AFG2B: variants seen among roughly 807,000 people sequenced by gnomAD.
AFG2B encodes the protein ATPase family gene 2 protein homolog B.
the AFG2B span, chr15:45,403,527 G>A: frequency 2.5e-6 from 4 of 1,600,040 alleles, no homozygotes; most frequent in Non-Finnish European, 3.4e-6. Context: ...AGGTGAATGG[G>A]CTTGGCGGGT....
the AFG2B span, chr15:45,407,181 A>G: frequency 7.9e-7 from 1 of 1,267,504 alleles, no homozygotes; most frequent in Admixed American, 2.5e-5. Flanking sequence ...GGGAAGTGGA[A>G]GGAAGAAAGG....
At chr15:45,404,990 A>T in the AFG2B span, among the ~76,000 whole-genome samples, 3 of 152,124 alleles carry the variant, frequency 2.0e-5, no homozygotes, top group Non-Finnish European at 4.4e-5. Context: ...CAGGGTGCTT[A>T]GGATATCCAT....
chr15:45,405,198 C>G, the AFG2B span: 1 of 950,256 alleles, frequency 1.1e-6, no homozygotes, highest in Admixed American at 2.8e-5. Flanking sequence ...CACCCCCAAC[C>G]CTTCCCAGTG....
the AFG2B span, chr15:45,407,054 T>C: frequency 1.6e-6 from 2 of 1,289,218 alleles, no homozygotes; most frequent in South Asian, 2.5e-5. Flanking sequence ...TAAGCACCTC[T>C]CACTTAGGTG....
chr15:45,403,108 A>C, the AFG2B span: 47 of 1,517,740 alleles, frequency 3.1e-5, no homozygotes, highest in South Asian at 5.4e-4. Context: ...GCGCGCCCTG[A>C]CCGCGCTGGG....
chr15:45,405,570 TA>T, the AFG2B span: 203 of 1,512,436 alleles, frequency 1.3e-4, no homozygotes, highest in African/African-American at 2.8e-4. Flanking sequence ...ATTTGGGGGT[TA>T]AAAAAAAGCG....
chr15:45,421,402 C>G, the AFG2B span: 1 of 366,916 alleles, frequency 2.7e-6, no homozygotes, highest in South Asian at 6.3e-5. Flanking sequence ...AAATAAAATA[C>G]TGTAATTTAG....
At chr15:45,417,236 T>C in the AFG2B span, 1 of 1,598,288 alleles carries the variant, frequency 6.3e-7, no homozygotes, top group Non-Finnish European at 8.5e-7. Flanking sequence ...AACAACTGAT[T>C]GACATTACTT....
At chr15:45,407,643 T>C in the AFG2B span, among the ~76,000 whole-genome samples, 1 of 152,196 alleles carries the variant, frequency 6.6e-6, no homozygotes, top group Non-Finnish European at 1.5e-5. Context: ...GAGATGACAA[T>C]TGTTAACACT....
chr15:45,414,958 C>G, the AFG2B span, among the ~76,000 whole-genome samples: 2 of 152,000 alleles, frequency 1.3e-5, no homozygotes, highest in African/African-American at 4.8e-5. Flanking sequence ...ATCCTCCTAC[C>G]TACTGTTAAC....
the AFG2B span, chr15:45,414,497 G>C: frequency 7.2e-7 from 1 of 1,398,568 alleles, no homozygotes; most frequent in Non-Finnish European, 9.9e-7. Flanking sequence ...GTTAAATGAA[G>C]AAATGAATTT....
chr15:45,412,696 G>A, the AFG2B span, among the ~76,000 whole-genome samples: 12 of 152,048 alleles, frequency 7.9e-5, no homozygotes, highest in Admixed American at 7.2e-4. Context: ...AAAGGTGGAA[G>A]GCCTTAGTTT....
At chr15:45,405,443 G>A in the AFG2B span, 1 of 1,614,068 alleles carries the variant, frequency 6.2e-7, no homozygotes, top group Non-Finnish European at 8.5e-7. Context: ...TGGCTATGTT[G>A]GTGCCGACCT....
At chr15:45,402,676 G>A in the AFG2B span, 1 of 1,576,542 alleles carries the variant, frequency 6.3e-7, no homozygotes, top group Non-Finnish European at 8.6e-7. Flanking sequence ...GAGCCCCGGG[G>A]CGGCGGTCGG....
At chr15:45,408,812 G>C in the AFG2B span, among the ~76,000 whole-genome samples, 1 of 152,248 alleles carries the variant, frequency 6.6e-6, no homozygotes, top group South Asian at 2.1e-4. Context: ...TTGAGCCCAG[G>C]TGTTCGAGGC....
chr15:45,402,788 C>G, the AFG2B span: 1 of 1,590,884 alleles, frequency 6.3e-7, no homozygotes, highest in Non-Finnish European at 8.5e-7. Flanking sequence ...CGAGAGCGGG[C>G]AGGCGCGCCC....
At chr15:45,402,447 TC>T in the AFG2B span, 3 of 1,604,270 alleles carry the variant, frequency 1.9e-6, no homozygotes, top group African/African-American at 4.1e-5. Context: ...CGGACTCGGA[TC>T]CCTTCCCTGA....
the AFG2B span, among the ~76,000 whole-genome samples, chr15:45,411,422 CT>C: frequency 6.6e-6 from 1 of 152,170 alleles, no homozygotes; most frequent in Non-Finnish European, 1.5e-5. Context: ...TCAAGCAGTC[CT>C]TCTGCCTCAG....
the AFG2B span, among the ~76,000 whole-genome samples, chr15:45,403,881 C>G: frequency 6.6e-6 from 1 of 152,132 alleles, no homozygotes; most frequent in East Asian, 1.9e-4. Context: ...GCGTGTTAAA[C>G]TCATTTTTTG....
Sources: allele counts gnomAD v4.1 joint callset (sites outside exome capture counted in the v4.1 genomes callset), GRCh38; gene constraint gnomAD v4.1.1; transcripts MANE v1.5; gene names NCBI Gene and HGNC (gene_info 2026-07-23, HGNC 2026-07-21).